PTPN4: variants seen among roughly 807,000 people sequenced by gnomAD.
The protein encoded by PTPN4 is protein tyrosine phosphatase non-receptor type 4, also known as tyrosine-protein phosphatase non-receptor type 4.
Under a neutral mutation model 135.5 loss-of-function variants are expected in PTPN4, and 49 were observed. The observed-to-expected ratio is 0.36, with a 90% CI of 0.29 to 0.46. PTPN4 has a LOEUF of 0.46. Among genes scored for constraint, PTPN4 ranks in the 20% least tolerant of loss-of-function variants. PTPN4 has a pLI of 1.00. For missense variants in PTPN4, 860 were observed against 1,101.0 expected, an observed-to-expected ratio of 0.78 and a Z score of 3.10; for synonymous variants, 333 against 369.9, an observed-to-expected ratio of 0.90 and a Z score of 1.14.
chr2:119,858,942 T>C (rs1677720765), intron 2 of PTPN4, among the ~76,000 whole-genome samples: 2 of 152,080 alleles, frequency 1.3e-5, no homozygotes, highest in African/African-American at 4.8e-5. Context: ...CCCTTTTCTG[T>C]GTTGTTCTTA....
At chr2:119,903,754 C>T (rs139787467) in intron 10 of PTPN4, among the ~76,000 whole-genome samples, 1 of 152,256 alleles carries the variant, frequency 6.6e-6, no homozygotes, top group Non-Finnish European at 1.5e-5. Context: ...ACCATGCATA[C>T]CACCTGGAGA....
Position 119,952,068 on chromosome 2 carries a change from G to C in PTPN4, c.1752G>C (p.Leu584=), listed in dbSNP as rs1679218790. The change falls in exon 19 of 27, where the codon CTG becomes CTC. Residue 584 remains leucine (L), a synonymous_variant. Transcript: ENST00000263708. ...IAEHTHDQVV[L]FIKASCERHS... is the part of the protein sequence containing the mutation. ...AACACACTCATGATCAGGTTGTGCTGTTTATTAAAGCTAGTTGTGAGAGAC... is the reference window on the plus strand; with the variant it reads ...AACACACTCATGATCAGGTTGTGCTCTTTATTAAAGCTAGTTGTGAGAGAC... 1 of 1,613,452 alleles carries C rather than the reference G, an allele frequency of 6.2e-7. No individual in the cohort carries two copies.
chr2:119,885,656 A>G (rs913028732), intron 8 of PTPN4, 139 bp from the exon 9 acceptor site: 4 of 475,914 alleles, frequency 8.4e-6, no homozygotes, highest in Non-Finnish European at 1.5e-5. Flanking sequence ...CAGATAAGTT[A>G]GAGGAGTAGT....
chr2:119,799,898 G>C (rs535763503), intron 1 of PTPN4, among the ~76,000 whole-genome samples: 7 of 152,120 alleles, frequency 4.6e-5, no homozygotes, highest in African/African-American at 9.7e-5. Context: ...GACTCCTCCA[G>C]TGATGTAGTT....
rs578215924 is a variant in PTPN4, at chr2:119,820,644, C to A, written c.138+10653C>A. On this transcript the variant is annotated intron_variant, in intron 2 of 26. Coordinates refer to ENST00000263708, the MANE Select transcript of PTPN4 (RefSeq NM_002830.4). ...GAAGAAATTGCATCTTATCTTTGAA[C>A]CCACCATTCATAATGTTTATTCCTA... Among the ~76,000 whole-genome samples, 4 of 152,264 alleles carry A rather than the reference C, an allele frequency of 2.6e-5. No individual in the cohort carries two copies. In the South Asian group the frequency reaches 8.3e-4, roughly 32 times the overall value.
chr2:119,951,233 C>T (rs929797560), intron 18 of PTPN4, among the ~76,000 whole-genome samples: 9 of 152,116 alleles, frequency 5.9e-5, no homozygotes, highest in African/African-American at 1.9e-4. Flanking sequence ...CCAAAAGTTC[C>T]TTTGGCTGCA....
At chr2:119,795,176 A>G (rs1691229443) in intron 1 of PTPN4, among the ~76,000 whole-genome samples, 1 of 151,994 alleles carries the variant, frequency 6.6e-6, no homozygotes, top group Non-Finnish European at 1.5e-5. Flanking sequence ...CCTCAGAGGG[A>G]AGTGCTTGCT....
chr2:119,903,513 A>C (rs1678439056), intron 10 of PTPN4, among the ~76,000 whole-genome samples: 1 of 151,568 alleles, frequency 6.6e-6, no homozygotes. Flanking sequence ...ACCTCCAGAC[A>C]CTGTTGGAGT....
intron 1 of PTPN4, among the ~76,000 whole-genome samples, chr2:119,771,273 A>G (rs1042688681): frequency 6.6e-6 from 1 of 152,250 alleles, no homozygotes; most frequent in African/African-American, 2.4e-5. Flanking sequence ...GATGACATCC[A>G]GTGCAGCAGA....
At chr2:119,779,884 A>G (rs2104927405) in intron 1 of PTPN4, among the ~76,000 whole-genome samples, 2 of 152,178 alleles carry the variant, frequency 1.3e-5, no homozygotes, top group East Asian at 1.9e-4. Context: ...AGTTGGGACC[A>G]CAGTCACTCA....
At chr2:119,905,737 T>A (rs976569024) in intron 10 of PTPN4, among the ~76,000 whole-genome samples, 4 of 152,132 alleles carry the variant, frequency 2.6e-5, no homozygotes, top group African/African-American at 4.8e-5. Flanking sequence ...CTCAAAAAAA[T>A]TTTTAAATAG....
chr2:119,962,649 G>C lies in PTPN4; in HGVS notation c.2314G>C (p.Gly772Arg), dbSNP rs1294633141. 6.3e-7 allele frequency: 1 copy of C among 1,578,804 alleles called. No homozygotes were observed. Among genetic ancestry groups the C allele is most frequent in the African/African-American group, 1.3e-5 (1 of 74,360 alleles). Residue 772 changes from glycine (G) to arginine (R), a missense_variant, in exon 24 of 27, where the codon GGC becomes CGC. This residue lies in a region of PTPN4 where 176 missense variants were observed against 294.1 expected (regional missense o/e 0.60). Coordinates refer to ENST00000263708, the MANE Select transcript of PTPN4 (RefSeq NM_002830.4). ...TCACCAATATTGGCCAGAACCCACA[G>C]GCAGTTCATCTTATGGATGCTACCA... The part of the protein sequence containing the change: ...KCHQYWPEPT[G>R]SSSYGCYQVT...
At chr2:119,781,635 G>T (rs955189822) in intron 1 of PTPN4, among the ~76,000 whole-genome samples, 2 of 152,096 alleles carry the variant, frequency 1.3e-5, no homozygotes, top group Non-Finnish European at 2.9e-5. Context: ...TTTCAGTATG[G>T]CCTGTGAACT....
In PTPN4 at chr2:119,978,781, A is replaced by G. The variant is rs1315167365; in HGVS notation, c.*1711A>G. 6.6e-6 allele frequency: 1 copy of G among 152,138 alleles called. No individual in the cohort carries two copies. Among genetic ancestry groups the G allele is most frequent in the African/African-American group, 2.4e-5 (1 of 41,450 alleles). 9.4% of individuals were successfully genotyped at this position (152,138 alleles called of 1,614,324 possible). ...TAGAGTCAAATGGCAGATATTTTGG[A>G]AAGCCATTTAGTATGAGGGGAAGAG... On this transcript the variant is annotated 3_prime_UTR_variant, in exon 27 of 27. Transcript: ENST00000263708.
At chr2:119,845,394 T>C (rs1677481618) in intron 2 of PTPN4, among the ~76,000 whole-genome samples, 1 of 152,148 alleles carries the variant, frequency 6.6e-6, no homozygotes, top group African/African-American at 2.4e-5. Flanking sequence ...TCTAATTCAG[T>C]CTCTTTACTT....
intron 2 of PTPN4, among the ~76,000 whole-genome samples, chr2:119,849,472 G>A (rs1054073145): frequency 6.6e-6 from 1 of 151,926 alleles, no homozygotes; most frequent in African/African-American, 2.4e-5. Context: ...GGCTAATTTT[G>A]TACTGTTTTT....
intron 2 of PTPN4, among the ~76,000 whole-genome samples, chr2:119,839,672 C>T (rs1171122297): frequency 1.3e-5 from 2 of 152,122 alleles, no homozygotes; most frequent in Non-Finnish European, 2.9e-5. Context: ...TTAGAGGTTC[C>T]TTATTATGAA....
intron 10 of PTPN4, among the ~76,000 whole-genome samples, chr2:119,908,059 C>T (rs1225908347): frequency 1.3e-5 from 2 of 152,060 alleles, no homozygotes; most frequent in African/African-American, 4.8e-5. Context: ...ATGGGTAGGT[C>T]TTTAAAAGTA....
intron 20 of PTPN4, among the ~76,000 whole-genome samples, chr2:119,956,053 T>G (rs866359642): frequency 3.3e-5 from 5 of 152,022 alleles, no homozygotes; most frequent in Non-Finnish European, 7.4e-5. Flanking sequence ...TCTTTGTTTA[T>G]TTTTCATTGG....
Sources: allele counts gnomAD v4.1 joint callset (sites outside exome capture counted in the v4.1 genomes callset), GRCh38; gene constraint gnomAD v4.1.1; regional missense constraint gnomAD v4.1.1; transcripts MANE v1.5; gene names NCBI Gene and HGNC (gene_info 2026-07-23, HGNC 2026-07-21).